The following HTR2C variants were observed in gnomAD, a reference collection of about 807,000 sequenced individuals.
HTR2C encodes the protein 5-hydroxytryptamine (serotonin) receptor 2C, G protein-coupled.
HTR2C carries 5 observed loss-of-function variants against 21.0 expected under a neutral mutation model. The ratio of observed to expected loss-of-function variants is 0.24; its 90% confidence interval spans 0.12 to 0.50. The LOEUF (loss-of-function observed/expected upper bound fraction) is 0.50. Ranked by LOEUF, HTR2C falls within the 20% of genes least tolerant of loss-of-function variation. The probability of loss-of-function intolerance (pLI) is 0.98; values close to 1 mark genes in which losing one functional copy is unlikely to be tolerated. For missense variants in HTR2C, 271 were observed against 371.2 expected, an observed-to-expected ratio of 0.73 and a Z score of 2.22; for synonymous variants, 150 against 145.3, an observed-to-expected ratio of 1.03 and a Z score of -0.23.
chrX:114,835,106 T>A (rs1285362384), intron 4 of HTR2C, among the ~76,000 whole-genome samples: 1 of 100,347 alleles, frequency 1.0e-5, no homozygotes, highest in African/African-American at 3.6e-5. Flanking sequence ...CCTTTGAGGA[T>A]AACCCGACCT....
chrX:114,643,205 A>C (rs1411532682), intron 2 of HTR2C, among the ~76,000 whole-genome samples: 1 of 109,723 alleles, frequency 9.1e-6, no homozygotes, highest in African/African-American at 3.3e-5. Flanking sequence ...CATTCAAAAT[A>C]TATTAGGTTG....
chrX:114,675,868 CTTTTTTCTTTTT>C (rs370982141), intron 2 of HTR2C, among the ~76,000 whole-genome samples: 2,310 of 94,282 alleles, frequency 0.025, 77 homozygotes, highest in African/African-American at 0.083. Flanking sequence ...TTTCTTTTTT[CTTTTTTCTTTTT>C]TTTTTTGAGA....
chrX:114,652,315 T>A (rs1220727084), intron 2 of HTR2C, among the ~76,000 whole-genome samples: 1 of 111,180 alleles, frequency 9.0e-6, no homozygotes, highest in Non-Finnish European at 1.9e-5. Flanking sequence ...AAATTTATTT[T>A]TATTTTTTGC....
chrX:114,825,154 C>A (rs1354304567), intron 4 of HTR2C, among the ~76,000 whole-genome samples: 1 of 110,836 alleles, frequency 9.0e-6, no homozygotes, highest in Admixed American at 9.6e-5. Flanking sequence ...TTATTTATTT[C>A]TTCTGGTACT....
chrX:114,783,551 A>G (rs1260728699), intron 4 of HTR2C, among the ~76,000 whole-genome samples: 1 of 112,254 alleles, frequency 8.9e-6, no homozygotes, highest in African/African-American at 3.2e-5. Flanking sequence ...TGGAAAAAAA[A>G]TCTAAGTTTA....
intron 2 of HTR2C, among the ~76,000 whole-genome samples, chrX:114,694,237 T>A (rs1322916897): frequency 9.0e-6 from 1 of 110,658 alleles, no homozygotes; most frequent in African/African-American, 3.3e-5. Context: ...ATAAATTTTA[T>A]TCCATAAATT....
intron 2 of HTR2C, among the ~76,000 whole-genome samples, chrX:114,658,257 A>G (rs936261470): frequency 8.9e-6 from 1 of 111,863 alleles, no homozygotes; most frequent in Non-Finnish European, 1.9e-5. Flanking sequence ...ATATTTATGA[A>G]TTATCATATT....
intron 2 of HTR2C, among the ~76,000 whole-genome samples, chrX:114,704,275 G>T (rs782103400): frequency 9.0e-6 from 1 of 111,056 alleles, no homozygotes; most frequent in South Asian, 3.8e-4. Context: ...ATTTTAGACC[G>T]ATATCCTTGA....
At chrX:114,762,533 A>T (rs782548883) in intron 4 of HTR2C, among the ~76,000 whole-genome samples, 38 of 111,954 alleles carry the variant, frequency 3.4e-4, no homozygotes, top group Middle Eastern at 9.1e-3. Context: ...TCATTCTCAA[A>T]GTGAAACAAT....
Position 114,644,362 on chromosome X carries a change from AATATATATATATATAT to A in HTR2C, c.-80+30512_-80+30527del, listed in dbSNP as rs782451317. ...TCCATCTAAAATAAATAAATAAATA[AATATATATATATATAT>A]ATATATATATATATATATATATATA... On this transcript the variant is annotated intron_variant, in intron 2 of 5. Coordinates refer to ENST00000276198, the MANE Select transcript of HTR2C (RefSeq NM_000868.4). Among the ~76,000 whole-genome samples, 32 of 38,253 alleles carry A rather than the reference AATATATATATATATAT, an allele frequency of 8.4e-4. 1 individual carries two copies. The highest frequency in any genetic ancestry group is 2.1e-3 in the African/African-American group (16 of 7,762). 33.2% of individuals were successfully genotyped at this position (38,253 alleles called of 115,157 possible).
chrX:114,814,196 G>A (rs2147452217), intron 4 of HTR2C, among the ~76,000 whole-genome samples: 1 of 105,659 alleles, frequency 9.5e-6, no homozygotes, highest in East Asian at 3.0e-4. Flanking sequence ...TGGAGATGAG[G>A]CTGGAGTAGA....
intron 4 of HTR2C, among the ~76,000 whole-genome samples, chrX:114,840,766 T>C (rs782513308): frequency 4.5e-5 from 5 of 111,713 alleles, no homozygotes; most frequent in Admixed American, 9.5e-5. Flanking sequence ...TCATATAGAT[T>C]GAAGCAGCAC....
At chrX:114,734,816 T>C (rs1019417914) in intron 4 of HTR2C, among the ~76,000 whole-genome samples, 11 of 110,720 alleles carry the variant, frequency 9.9e-5, no homozygotes, top group African/African-American at 3.3e-4. Context: ...TGAAGAGCTA[T>C]AAATTCTAGT....
chrX:114,801,036 T>C, intron 4 of HTR2C, among the ~76,000 whole-genome samples: 1 of 111,108 alleles, frequency 9.0e-6, no homozygotes, highest in Non-Finnish European at 1.9e-5. Flanking sequence ...ATGGAGAGCA[T>C]TTGGCCGTCT....
At chrX:114,802,696 T>A (rs369091103) in intron 4 of HTR2C, among the ~76,000 whole-genome samples, 10 of 92,790 alleles carry the variant, frequency 1.1e-4, no homozygotes, top group African/African-American at 3.7e-4. Flanking sequence ...CTTTCTTTCT[T>A]TCTTTCTTTC....
At chrX:114,629,344 C>T (rs1929515957) in intron 2 of HTR2C, among the ~76,000 whole-genome samples, 1 of 111,582 alleles carries the variant, frequency 9.0e-6, no homozygotes, top group African/African-American at 3.3e-5. Context: ...TTTTAAAAGC[C>T]GTTAGCCAAG....
At chrX:114,854,955 A>G (rs920171225) in intron 5 of HTR2C, among the ~76,000 whole-genome samples, 7 of 112,029 alleles carry the variant, frequency 6.2e-5, no homozygotes, top group African/African-American at 2.3e-4. Context: ...AATGGCTAAC[A>G]AGCATATGAA....
At chrX:114,614,179 A>G (rs1556399382) in intron 2 of HTR2C, among the ~76,000 whole-genome samples, 2 of 111,305 alleles carry the variant, frequency 1.8e-5, no homozygotes. Flanking sequence ...ATAAAGTATG[A>G]TAGTATAAAT....
At chrX:114,724,711 A>G (rs1266024781) in intron 2 of HTR2C, among the ~76,000 whole-genome samples, 6 of 107,943 alleles carry the variant, frequency 5.6e-5, no homozygotes, top group Non-Finnish European at 5.7e-5. Flanking sequence ...GGCAGGCCTG[A>G]TGGTGACAAA....
Sources: allele counts gnomAD v4.1 joint callset (sites outside exome capture counted in the v4.1 genomes callset), GRCh38; gene constraint gnomAD v4.1.1; transcripts MANE v1.5; gene names NCBI Gene and HGNC (gene_info 2026-07-23, HGNC 2026-07-21).